The following GALNT14 variants were observed in gnomAD, a reference collection of about 807,000 sequenced individuals.
The protein encoded by GALNT14 is UDP-GalNAc:polypeptide N-acetylgalactosaminyltransferase 14.
A neutral mutation model predicts 77.5 loss-of-function variants in GALNT14; 60 were observed. The ratio of observed to expected loss-of-function variants is 0.77; its 90% CI spans 0.63 to 0.96. The LOEUF (loss-of-function observed/expected upper bound fraction) is 0.96. Ranked by LOEUF, GALNT14 falls within the 40% of genes least tolerant of loss-of-function variation. The pLI is 0.00. For synonymous variants in GALNT14, 280 were observed against 281.7 expected, an observed-to-expected ratio of 0.99 and a Z score of 0.06; for missense variants, 710 against 731.0, an observed-to-expected ratio of 0.97 and a Z score of 0.33.
intron 1 of GALNT14, among the ~76,000 whole-genome samples, chr2:31,104,683 A>T (rs1573355605): frequency 6.6e-6 from 1 of 152,274 alleles, no homozygotes; most frequent in East Asian, 1.9e-4. Context: ...GAAACAGTAC[A>T]GACCTTTCCT....
chr2:30,929,355 T>G, intron 11 of GALNT14, 40 bp downstream of exon 11: 2 of 1,526,538 alleles, frequency 1.3e-6, no homozygotes, highest in Non-Finnish European at 1.8e-6. Context: ...GCTGGGCTCT[T>G]TTGCAGTCTC....
At chr2:30,934,251 G>C (rs989580279) in intron 9 of GALNT14, among the ~76,000 whole-genome samples, 1 of 152,146 alleles carries the variant, frequency 6.6e-6, no homozygotes, top group Admixed American at 6.5e-5. Flanking sequence ...GAGGAACCTG[G>C]AGGTCGGTGC....
At chr2:30,957,384 A>G (rs893137081) in intron 4 of GALNT14, among the ~76,000 whole-genome samples, 4 of 152,222 alleles carry the variant, frequency 2.6e-5, no homozygotes, top group African/African-American at 4.8e-5. Context: ...TCCAGAGTCC[A>G]TGTTTTAACC....
intron 1 of GALNT14, among the ~76,000 whole-genome samples, chr2:31,009,592 A>G (rs952474478): frequency 6.6e-6 from 1 of 152,070 alleles, no homozygotes; most frequent in Non-Finnish European, 1.5e-5. Flanking sequence ...GAACAATATC[A>G]AAAAAACGCC....
the GALNT14 span, among the ~76,000 whole-genome samples, chr2:30,901,951 T>C: frequency 6.6e-6 from 1 of 152,180 alleles, no homozygotes; most frequent in African/African-American, 2.4e-5. Context: ...CATAGGCTGA[T>C]AGCATTTGAC....
chr2:30,899,738 C>G, the GALNT14 span, among the ~76,000 whole-genome samples: 295 of 152,310 alleles, frequency 1.9e-3, 4 homozygotes, highest in South Asian at 0.017. Flanking sequence ...GTGACGGCTT[C>G]ATTAAATTAG....
chr2:31,103,181 T>C (rs973241964), intron 1 of GALNT14, among the ~76,000 whole-genome samples: 1 of 92,254 alleles, frequency 1.1e-5, no homozygotes, highest in African/African-American at 6.5e-5. Flanking sequence ...TTCTTGGCAT[T>C]ATTTTCGTCT....
intron 2 of GALNT14, among the ~76,000 whole-genome samples, chr2:30,971,832 C>T (rs1446969962): frequency 1.3e-5 from 2 of 152,004 alleles, no homozygotes; most frequent in East Asian, 3.9e-4. Context: ...TCAGTCATGG[C>T]AGTCATGTCA....
At chr2:30,914,221 C>T (rs1363148150) in intron 13 of GALNT14, among the ~76,000 whole-genome samples, 1 of 152,176 alleles carries the variant, frequency 6.6e-6, no homozygotes, top group Non-Finnish European at 1.5e-5. Flanking sequence ...AACCAAGGCT[C>T]GGAGAGGCTA....
At chr2:31,035,976 A>G (rs1672715846) in intron 1 of GALNT14, among the ~76,000 whole-genome samples, 2 of 152,152 alleles carry the variant, frequency 1.3e-5, no homozygotes, top group South Asian at 4.1e-4. Context: ...CTTTACCTAC[A>G]TAACAAATCT....
chr2:31,038,086 T>TATATATATATA (rs1558514656), intron 1 of GALNT14, among the ~76,000 whole-genome samples: 98 of 35,728 alleles, frequency 2.7e-3, no homozygotes, highest in African/African-American at 4.7e-3. Flanking sequence ...ATATATATAT[T>TATATATATATA]TTTTTTTTTT....
intron 2 of GALNT14, among the ~76,000 whole-genome samples, chr2:30,985,150 G>GTGAA (rs58766997): frequency 0.56 from 83,986 of 151,216 alleles, 23,534 homozygotes; most frequent in Middle Eastern, 0.69. Flanking sequence ...AAATGAGTGA[G>GTGAA]TGAATGAATG....
intron 1 of GALNT14, among the ~76,000 whole-genome samples, chr2:31,047,082 A>T (rs6755188): frequency 6.6e-6 from 1 of 151,764 alleles, no homozygotes; most frequent in South Asian, 2.1e-4. Flanking sequence ...CACCTTCCCC[A>T]CAGAACCCTG....
intron 1 of GALNT14, among the ~76,000 whole-genome samples, chr2:31,132,957 G>A (rs915766547): frequency 5.9e-5 from 9 of 151,994 alleles, no homozygotes; most frequent in African/African-American, 1.9e-4. Flanking sequence ...ATCAGCTAGC[G>A]CCACCCAGAT....
At chr2:30,898,400 A>G in the GALNT14 span, among the ~76,000 whole-genome samples, 4 of 152,212 alleles carry the variant, frequency 2.6e-5, no homozygotes, top group African/African-American at 9.7e-5. Context: ...CTCACGATGA[A>G]CTACAAGGAT....
intron 1 of GALNT14, among the ~76,000 whole-genome samples, chr2:31,014,931 A>C (rs537089996): frequency 3.5e-4 from 53 of 152,270 alleles, no homozygotes; most frequent in African/African-American, 1.2e-3. Flanking sequence ...GGAATGCATA[A>C]AGGAGGGAGG....
At chr2:31,006,251 G>A (rs528383697) in intron 1 of GALNT14, among the ~76,000 whole-genome samples, 4 of 152,106 alleles carry the variant, frequency 2.6e-5, no homozygotes, top group Non-Finnish European at 5.9e-5. Context: ...AAATAAAGAT[G>A]GGAAGCTGTG....
At chr2:31,048,793 G>C (rs1169361965) in intron 1 of GALNT14, among the ~76,000 whole-genome samples, 1 of 152,034 alleles carries the variant, frequency 6.6e-6, no homozygotes, top group African/African-American at 2.4e-5. Context: ...TTCATTGTAG[G>C]CCAGGTCAAC....
At chr2:30,924,024 T>A in intron 13 of GALNT14, 95 bp downstream of exon 13, 1 of 1,366,246 alleles carries the variant, frequency 7.3e-7, no homozygotes, top group Non-Finnish European at 1.0e-6. Context: ...AATGGGCATC[T>A]GATGTCATGT....
Sources: allele counts gnomAD v4.1 joint callset (sites outside exome capture counted in the v4.1 genomes callset), GRCh38; gene constraint gnomAD v4.1.1; transcripts MANE v1.5; gene names NCBI Gene and HGNC (gene_info 2026-07-23, HGNC 2026-07-21).